The following SETD5 variants were observed in gnomAD, a reference collection of about 807,000 sequenced individuals.
SETD5 encodes SET domain containing 5.
A neutral mutation model predicts 153.3 loss-of-function variants in SETD5; 44 were observed. That is an observed-to-expected ratio of 0.29 (90% CI 0.23 to 0.37). The LOEUF is 0.37. Ranked by LOEUF, SETD5 falls within the 10% of genes least tolerant of loss-of-function variation. SETD5 has a pLI of 1.00. For missense variants in SETD5, 1,544 were observed against 1,768.0 expected, an observed-to-expected ratio of 0.87 and a Z score of 2.27; for synonymous variants, 716 against 645.2, an observed-to-expected ratio of 1.11 and a Z score of -1.66.
rs2040216685 is a variant in SETD5 at position 9,433,587 on chromosome 3, A to C, written c.72-258A>C. On this transcript the variant is annotated intron_variant, in intron 3 of 22. Coordinates refer to ENST00000402198, the MANE Select transcript of SETD5 (RefSeq NM_001080517.3). Reference sequence around the variant, plus strand: ...GGTACGTTTGTGTTTGTCATTAGGGACACCTTGTATCTCAGGTGCCTGCCT... The same window carrying C: ...GGTACGTTTGTGTTTGTCATTAGGGCCACCTTGTATCTCAGGTGCCTGCCT... 2.3e-6 allele frequency: 3 copies of C among 1,283,032 alleles called. No homozygotes were observed. The Admixed American group carries it at 7.1e-5, about 30-fold the overall frequency. 79.5% of individuals were successfully genotyped at this position (1,283,032 alleles called of 1,614,324 possible).
intron 17 of SETD5, among the ~76,000 whole-genome samples, chr3:9,455,287 G>A (rs971923099): frequency 3.4e-5 from 5 of 145,340 alleles, no homozygotes; most frequent in Non-Finnish European, 5.9e-5. Context: ...TATATTTTGA[G>A]TAGAGACGGG....
intron 17 of SETD5, among the ~76,000 whole-genome samples, chr3:9,463,407 A>G (rs1477839064): frequency 6.6e-6 from 1 of 152,222 alleles, no homozygotes; most frequent in Admixed American, 6.5e-5. Context: ...TTCAGTAATC[A>G]GTAGGTATTA....
Position 9,476,170 on chromosome 3 carries a change from C to A in SETD5, c.*79C>A. On this transcript the variant is annotated 3_prime_UTR_variant, in exon 23 of 23. Transcript: ENST00000402198. ...AGCTGCCTCTGGAACCTAGGCCGAG[C>A]ATATTGCTGAGGAACGGGGGGTACA... 1 of 1,506,462 alleles carries A rather than the reference C, an allele frequency of 6.6e-7. No individual in the cohort carries two copies. Among genetic ancestry groups the A allele is most frequent in the Admixed American group, 2.2e-5 (1 of 45,672 alleles). 93.3% of individuals were successfully genotyped at this position (1,506,462 alleles called of 1,614,324 possible).
chr3:9,474,293 A>G (rs1006943093), intron 20 of SETD5, among the ~76,000 whole-genome samples, 156 bp from the exon 21 acceptor site: 2 of 152,134 alleles, frequency 1.3e-5, no homozygotes, highest in African/African-American at 4.8e-5. Context: ...TGTGCCTGAC[A>G]TAGTTGGAGG....
intron 1 of SETD5, among the ~76,000 whole-genome samples, chr3:9,407,764 GC>G (rs1449475996): frequency 6.6e-6 from 1 of 152,166 alleles, no homozygotes; most frequent in Admixed American, 6.5e-5. Context: ...ACTTTGGGAT[GC>G]CAAGGTGGGC....
chr3:9,455,391 C>T (rs2043123002), intron 17 of SETD5, among the ~76,000 whole-genome samples: 1 of 151,754 alleles, frequency 6.6e-6, no homozygotes, highest in African/African-American at 2.4e-5. Context: ...CAGGCATGAG[C>T]CACCATGCCT....
Position 9,447,215 on chromosome 3 carries a change from G to C in SETD5, c.1690G>C (p.Glu564Gln). 1 of 1,614,028 alleles carries C rather than the reference G, an allele frequency of 6.2e-7. No homozygotes were observed. Among genetic ancestry groups the C allele is most frequent in the African/African-American group, 1.3e-5 (1 of 75,044 alleles). ...TGAAGAGACAAAAACTGAAGCCCCT[G>C]AATCTGAAGTTAGCAACTCTGTTTC... ...VGEETKTEAPESEVSNSVSNV... is the reference protein window; with the variant it reads ...VGEETKTEAPQSEVSNSVSNV... The change falls in exon 14 of 23, where the codon GAA becomes CAA. Residue 564 changes from glutamate (E) to glutamine (Q), a missense_variant. Coordinates refer to ENST00000402198, the MANE Select transcript of SETD5 (RefSeq NM_001080517.3).
At chr3:9,466,579 C>T (rs1370731625) in intron 18 of SETD5, among the ~76,000 whole-genome samples, 1 of 152,046 alleles carries the variant, frequency 6.6e-6, no homozygotes, top group Non-Finnish European at 1.5e-5. Flanking sequence ...CCTTTCTCAT[C>T]AATAATAGAA....
chr3:9,437,028 A>C, intron 7 of SETD5: 1 of 716,126 alleles, frequency 1.4e-6, no homozygotes, highest in Non-Finnish European at 2.2e-6. Flanking sequence ...TTCAGTTTTC[A>C]TAGAGCTTTT....
intron 16 of SETD5, 116 bp from the exon 17 acceptor site, chr3:9,453,623 T>C: frequency 1.1e-6 from 1 of 934,796 alleles, no homozygotes; most frequent in Non-Finnish European, 1.5e-6. Flanking sequence ...TGCTTGACTG[T>C]GTAACTGAAT....
At chr3:9,433,508 C>T in intron 3 of SETD5, 1 of 1,292,964 alleles carries the variant, frequency 7.7e-7, no homozygotes, top group Non-Finnish European at 1.0e-6. Context: ...AAGAATAGTT[C>T]TGAGTCTAAA....
rs1006588222 is a variant in SETD5, at chr3:9,447,439, T to C, written c.1782+132T>C. On this transcript the variant is annotated intron_variant, in intron 14 of 22. Transcript: ENST00000402198. Reference sequence around the variant, plus strand: ...ACAATAAATAAGGCCATTAACTGTTTAACTGGAACCATTTCATTGGCCTAT... The same window carrying C: ...ACAATAAATAAGGCCATTAACTGTTCAACTGGAACCATTTCATTGGCCTAT... The C allele has an allele frequency of 3.1e-6, 4 of 1,302,490 alleles. No homozygotes were observed. In the African/African-American group the frequency reaches 4.4e-5, roughly 14 times the overall value. The allele number at this position is 1,302,490 out of a possible 1,614,324, so 80.7% of individuals were successfully genotyped here.
In SETD5 at chr3:9,447,903, G is replaced by C. The variant is rs893507557; in HGVS notation, c.2000G>C (p.Ser667Thr). 5.0e-6 allele frequency: 8 copies of C among 1,613,842 alleles called. No homozygotes were observed. The highest frequency in any genetic ancestry group is 1.6e-4 in the Middle Eastern group (1 of 6,084). ...VTPTEAGSLD[S>T]SGENRPLTGS... ...CCTACTGAAGCTGGAAGTCTAGACA[G>C]TTCAGGAGAAAACAGGCCATTAACA... Residue 667 changes from serine to threonine, a missense_variant, in exon 15 of 23, where the codon AGT (serine) becomes ACT (threonine). Transcript: ENST00000402198.
intron 17 of SETD5, among the ~76,000 whole-genome samples, chr3:9,460,671 A>G (rs1287889225): frequency 6.6e-6 from 1 of 152,112 alleles, no homozygotes; most frequent in Non-Finnish European, 1.5e-5. Flanking sequence ...AGATAAATAT[A>G]TTTCAAATTA....
chr3:9,452,741 T>C (rs2042777486), intron 16 of SETD5, among the ~76,000 whole-genome samples: 1 of 149,006 alleles, frequency 6.7e-6, no homozygotes, highest in Non-Finnish European at 1.5e-5. Flanking sequence ...CTATGAGAAT[T>C]GCTCTCTGGT....
At chr3:9,410,750 CACTA>C (rs1196814932) in intron 1 of SETD5, among the ~76,000 whole-genome samples, 6 of 152,144 alleles carry the variant, frequency 3.9e-5, no homozygotes, top group East Asian at 1.9e-4. Context: ...CTAGATTTTT[CACTA>C]ACTAATATTT....
chr3:9,402,050 G>C (rs918785320), intron 1 of SETD5, among the ~76,000 whole-genome samples: 4 of 152,194 alleles, frequency 2.6e-5, no homozygotes, highest in African/African-American at 9.7e-5. Context: ...CAAAATGATT[G>C]ATTTATCTTG....
chr3:9,447,167 A>G lies in SETD5; in HGVS notation c.1642A>G (p.Thr548Ala), dbSNP rs569193903. 4.9e-5 allele frequency: 79 copies of G among 1,613,994 alleles called. 2 individuals are homozygous for G. In the South Asian group the frequency reaches 8.5e-4, roughly 17 times the overall value. Residue 548 changes from threonine (T) to alanine (A), a missense_variant, in exon 14 of 23, where the codon ACC (threonine) becomes GCC (alanine). By Grantham distance (58) the Thr-to-Ala change is moderately conservative. Transcript: ENST00000402198. ...QSNSDVEITT[T>A]TSETPVGEET... ...CAACTCTGATGTAGAGATTACTACA[A>G]CCACCTCAGAGACTCCTGTTGGTGA...
At chr3:9,466,474 G>A (rs1236806466) in intron 18 of SETD5, among the ~76,000 whole-genome samples, 2 of 151,760 alleles carry the variant, frequency 1.3e-5, no homozygotes, top group African/African-American at 4.8e-5. Flanking sequence ...TAATAATACA[G>A]TCCATGCATA....
Sources: gnomAD v4.1 joint callset for allele counts (sites outside exome capture counted in the v4.1 genomes callset) on GRCh38, gnomAD v4.1.1 for gene constraint, MANE v1.5 for transcripts, NCBI Gene and HGNC (gene_info 2026-07-23, HGNC 2026-07-21) for gene names.